Variants in PATJ observed in about 807,000 individuals in gnomAD.
The protein encoded by PATJ is PATJ crumbs cell polarity complex component.
In PATJ, 190 loss-of-function variants were observed where a neutral mutation model predicts 224.9. The ratio of observed to expected loss-of-function variants is 0.84; its 90% CI spans 0.75 to 0.95. PATJ has a LOEUF of 0.95. PATJ is among the 40% of genes least tolerant of loss of function. The pLI, the probability that PATJ is intolerant of heterozygous loss-of-function variation, is 0.00. For synonymous variants in PATJ, 769 were observed against 820.3 expected, an observed-to-expected ratio of 0.94 and a Z score of 1.07; for missense variants, 2,121 against 2,270.3, an observed-to-expected ratio of 0.93 and a Z score of 1.34.
intron 43 of PATJ, among the ~76,000 whole-genome samples, chr1:62,154,052 C>T (rs530058352): frequency 2.0e-5 from 3 of 152,164 alleles, no homozygotes; most frequent in African/African-American, 4.8e-5. Flanking sequence ...CATGCCACCA[C>T]GCCTGGCTAA....
chr1:62,033,126 ATTGTAG>A (rs1649649051), intron 29 of PATJ, among the ~76,000 whole-genome samples: 1 of 152,208 alleles, frequency 6.6e-6, no homozygotes, highest in Non-Finnish European at 1.5e-5. Context: ...TAATGCCACA[ATTGTAG>A]TTGTTCATTT....
chr1:61,941,851 A>G (rs1677869907), intron 27 of PATJ, among the ~76,000 whole-genome samples: 1 of 152,238 alleles, frequency 6.6e-6, no homozygotes, highest in African/African-American at 2.4e-5. Flanking sequence ...CAGCATAGCA[A>G]CCACATTTGT....
intron 41 of PATJ, among the ~76,000 whole-genome samples, chr1:62,132,873 C>A (rs943309596): frequency 2.6e-5 from 4 of 151,404 alleles, no homozygotes; most frequent in Non-Finnish European, 5.9e-5. Context: ...CACTGCACTC[C>A]GGCCTGGATG....
rs549462657 is a variant in PATJ, at chr1:62,125,245, A to C, written c.5043+2187A>C. On this transcript the variant is annotated intron_variant, in intron 39 of 43. Coordinates refer to ENST00000642238, the MANE Select transcript of PATJ (RefSeq NM_001350145.3). ...GAGTAAAACCCTGTCTCAAAAAAAA[A>C]AAAAAAAACAAAAAAAAACAAAAAA... 2.3e-3 allele frequency among the ~76,000 whole-genome samples: 237 copies of C among 104,290 alleles called. 3 individuals are homozygous for C. The highest frequency in any genetic ancestry group is 7.8e-3 in the African/African-American group (222 of 28,296). 68.4% of individuals were successfully genotyped at this position (104,290 alleles called of 152,430 possible). A position where few individuals can be genotyped will look rare whatever the true frequency, so the allele number is the denominator to read the frequency against.
At chr1:62,034,065 T>G (rs1649865226) in intron 29 of PATJ, among the ~76,000 whole-genome samples, 1 of 152,174 alleles carries the variant, frequency 6.6e-6, no homozygotes, top group African/African-American at 2.4e-5. Flanking sequence ...AAGATAATTA[T>G]AAAAACACCC....
rs201517135 is a variant in PATJ, at chr1:62,121,275, A to T, written c.4985A>T (p.Asp1662Val). 1.7e-5 allele frequency: 27 copies of T among 1,613,118 alleles called. No individual in the cohort carries two copies. The Admixed American group carries it at 2.0e-4, about 12-fold the overall frequency. The change falls in exon 38 of 44, where the codon GAT becomes GTT. Residue 1662 changes from aspartate to valine, a missense_variant. Coordinates refer to ENST00000642238, the MANE Select transcript of PATJ (RefSeq NM_001350145.3). ...QNLVGTKRVS[D>V]PSQKNSGTDM... ...CTGGTTGGCACAAAAAGAGTTTCAG[A>T]TCCTTCCCAGAAAAATTCAGGTATT...
intron 5 of PATJ, among the ~76,000 whole-genome samples, chr1:61,771,166 C>T (rs1258762439): frequency 6.6e-6 from 1 of 151,818 alleles, no homozygotes; most frequent in Non-Finnish European, 1.5e-5. Context: ...GCGGTGGGGT[C>T]CTATAGATTG....
intron 17 of PATJ, among the ~76,000 whole-genome samples, chr1:61,839,127 C>T (rs1158413509): frequency 6.6e-6 from 1 of 151,780 alleles, no homozygotes; most frequent in South Asian, 2.1e-4. Context: ...TTTCTTCTGC[C>T]GCCGACTCCT....
intron 19 of PATJ, among the ~76,000 whole-genome samples, chr1:61,862,177 C>CAT (rs35094571): frequency 0.15 from 22,398 of 150,624 alleles, 1,725 homozygotes; most frequent in South Asian, 0.28. Context: ...TGTATATATA[C>CAT]ATATATATAT....
intron 9 of PATJ, among the ~76,000 whole-genome samples, chr1:61,793,043 CACTT>C (rs907074486): frequency 5.3e-5 from 8 of 151,924 alleles, no homozygotes; most frequent in African/African-American, 1.5e-4. Context: ...ATATAAGAAA[CACTT>C]AGTTCTTTTT....
At chr1:62,118,623 C>CTTATTTAT (rs59262237) in intron 37 of PATJ, among the ~76,000 whole-genome samples, 21 of 151,592 alleles carry the variant, frequency 1.4e-4, no homozygotes, top group African/African-American at 4.1e-4. Context: ...TGAGCATCTT[C>CTTATTTAT]TTATTTATTT....
At chr1:61,830,167 T>C (rs1659049887) in intron 16 of PATJ, among the ~76,000 whole-genome samples, 1 of 152,190 alleles carries the variant, frequency 6.6e-6, no homozygotes, top group South Asian at 2.1e-4. Flanking sequence ...TCAGAAAGTT[T>C]CAGGATACGG....
chr1:62,125,308 C>T (rs1439145608), intron 39 of PATJ, among the ~76,000 whole-genome samples: 1 of 146,732 alleles, frequency 6.8e-6, no homozygotes, highest in Non-Finnish European at 1.5e-5. Flanking sequence ...GCAACTCAAC[C>T]TCAATTTTCT....
intron 35 of PATJ, among the ~76,000 whole-genome samples, chr1:62,115,620 A>G (rs1664370910): frequency 6.8e-6 from 1 of 148,134 alleles, no homozygotes; most frequent in East Asian, 2.0e-4. Flanking sequence ...GCTTTTAGGT[A>G]TCTAGTATGT....
chr1:62,066,839 T>TG (rs901616086), intron 31 of PATJ, among the ~76,000 whole-genome samples: 12 of 152,088 alleles, frequency 7.9e-5, no homozygotes, highest in Admixed American at 3.9e-4. Flanking sequence ...GCTGATTGGT[T>TG]GGGGGTGAAT....
At chr1:62,032,835 G>A (rs531310847) in intron 29 of PATJ, among the ~76,000 whole-genome samples, 3 of 151,432 alleles carry the variant, frequency 2.0e-5, no homozygotes, top group Non-Finnish European at 4.4e-5. Context: ...CAGCGTGTCT[G>A]GGGGGGCCTC....
intron 6 of PATJ, among the ~76,000 whole-genome samples, chr1:61,772,891 T>C (rs1557617515): frequency 6.6e-6 from 1 of 152,238 alleles, no homozygotes; most frequent in Non-Finnish European, 1.5e-5. Context: ...AACTAAGCAC[T>C]GTGCCTGGTG....
chr1:62,118,987 C>A (rs1473255851), intron 37 of PATJ, among the ~76,000 whole-genome samples: 3 of 143,622 alleles, frequency 2.1e-5, no homozygotes, highest in African/African-American at 8.3e-5. Context: ...AATTTAGAAG[C>A]TACATCATTA....
At chr1:62,128,227 A>C (rs1332634729) in intron 40 of PATJ, 133 bp downstream of exon 40, 1 of 812,966 alleles carries the variant, frequency 1.2e-6, no homozygotes, top group Non-Finnish European at 1.9e-6. Flanking sequence ...AAGATGCATT[A>C]GATAAACTTG....
Sources: allele counts gnomAD v4.1 joint callset (sites outside exome capture counted in the v4.1 genomes callset), GRCh38; gene constraint gnomAD v4.1.1; transcripts MANE v1.5; gene names NCBI Gene and HGNC (gene_info 2026-07-23, HGNC 2026-07-21).